Variants in CFAP251 observed in about 807,000 individuals in gnomAD.
CFAP251 encodes cilia- and flagella-associated protein 251.
CFAP251 carries 93 observed loss-of-function variants against 126.7 expected under a neutral mutation model. The observed-to-expected ratio is 0.73, with a 90% CI of 0.62 to 0.87. The LOEUF (loss-of-function observed/expected upper bound fraction) is 0.87, where lower values mean the gene tolerates loss of function less well. Ranked by LOEUF, CFAP251 falls within the 40% of genes least tolerant of loss-of-function variation. The pLI is 0.00. For synonymous variants in CFAP251, 503 were observed against 506.9 expected (o/e 0.99, Z 0.10); for missense variants, 1,287 against 1,389.2 (o/e 0.93, Z 1.17).
At chr12:121,993,313 A>G (rs1422533383) in intron 19 of CFAP251, among the ~76,000 whole-genome samples, 5 of 99,282 alleles carry the variant, frequency 5.0e-5, no homozygotes, top group East Asian at 5.7e-4. Flanking sequence ...ATCTCGGCTC[A>G]CTACAACCTA....
intron 14 of CFAP251, among the ~76,000 whole-genome samples, chr12:121,961,500 G>T (rs1310918880): frequency 6.6e-6 from 1 of 152,058 alleles, no homozygotes; most frequent in Non-Finnish European, 1.5e-5. Flanking sequence ...GCCAAGTGTT[G>T]GGCTGAGATT....
chr12:121,999,102 AT>A (rs1450902394), intron 19 of CFAP251: 1 of 151,874 alleles, frequency 6.6e-6, no homozygotes, highest in Non-Finnish European at 1.5e-5. Context: ...AAGTTGTTAG[AT>A]TTTGTTAAAT....
In CFAP251 at chr12:122,003,791, A is replaced by C. The variant is rs766180873; in HGVS notation, c.*27A>C. The C allele has an allele frequency of 6.3e-6, 10 of 1,577,730 alleles. No individual in the cohort carries two copies. The East Asian group carries it at 2.1e-4, about 33-fold the overall frequency. ...GTTACCAGGAATGTTTAAAGCACAA[A>C]GGACTTTGGGTGTGTGTGCATGCAC... On this transcript the variant is annotated 3_prime_UTR_variant, in exon 22 of 22. Transcript: ENST00000288912.
intron 17 of CFAP251, among the ~76,000 whole-genome samples, chr12:121,973,665 A>G (rs370494619): frequency 6.6e-6 from 1 of 152,202 alleles, no homozygotes; most frequent in East Asian, 1.9e-4. Flanking sequence ...GATATAAGAC[A>G]TGGAGTCAAA....
chr12:121,973,780 C>A (rs914839798), intron 17 of CFAP251, among the ~76,000 whole-genome samples: 2 of 152,160 alleles, frequency 1.3e-5, no homozygotes, highest in African/African-American at 2.4e-5. Flanking sequence ...TTTGGAATGG[C>A]CGTATTTACC....
At chr12:121,960,263 G>T (rs1209782867) in intron 13 of CFAP251, among the ~76,000 whole-genome samples, 3 of 151,498 alleles carry the variant, frequency 2.0e-5, no homozygotes, top group African/African-American at 7.3e-5. Flanking sequence ...CTGCTCTGTT[G>T]TACAGGCTGA....
chr12:121,999,623 G>T, intron 19 of CFAP251, 93 bp from the exon 20 acceptor site: 2 of 959,962 alleles, frequency 2.1e-6, no homozygotes, highest in South Asian at 1.7e-5. Context: ...GGCATGAGCC[G>T]CTGCACCAGC....
chr12:121,951,929 AG>A lies in CFAP251; in HGVS notation c.1320+400del, dbSNP rs547632599. Among the ~76,000 whole-genome samples, 8 of 151,870 alleles carry A rather than the reference AG, an allele frequency of 5.3e-5. No homozygotes were observed. The South Asian group carries it at 1.7e-3, about 32-fold the overall frequency. The stretch of plus-strand genomic sequence containing the variant: ...AGTAGAGACGGGGTTTCACTGTGTT[AG>A]CCAGGATGGTCTTGATCTCCTGACC... On this transcript the variant is annotated intron_variant, in intron 9 of 21. Coordinates refer to ENST00000288912, the MANE Select transcript of CFAP251 (RefSeq NM_144668.6).
chr12:121,995,629 G>A (rs1265793397), intron 19 of CFAP251, among the ~76,000 whole-genome samples: 1 of 152,118 alleles, frequency 6.6e-6, no homozygotes, highest in East Asian at 1.9e-4. Context: ...GAGCCCCCCA[G>A]TAGCTAGGAC....
intron 19 of CFAP251, among the ~76,000 whole-genome samples, chr12:121,979,563 C>CTTTTTTTTTTTTTTTTTTTTT (rs71082922): frequency 8.2e-5 from 7 of 84,978 alleles, no homozygotes; most frequent in Non-Finnish European, 9.0e-5. Flanking sequence ...CTTTCTTCTT[C>CTTTTTTTTTTTTTTTTTTTTT]TTTTTTTTTT....
intron 13 of CFAP251, among the ~76,000 whole-genome samples, chr12:121,959,930 C>T (rs1881867020): frequency 6.6e-6 from 1 of 151,822 alleles, no homozygotes; most frequent in African/African-American, 2.4e-5. Flanking sequence ...TCGAGACCAG[C>T]CTGGGCAACA....
chr12:121,966,941 C>G lies in CFAP251; in HGVS notation c.2493-14C>G, dbSNP rs1882163721. On this transcript the variant is annotated splice_polypyrimidine_tract_variant and intron_variant, in intron 15 of 21. Coordinates refer to ENST00000288912, the MANE Select transcript of CFAP251 (RefSeq NM_144668.6). ...TTGTGGAATTTTAAAAACTCTTTCT[C>G]TTTTTGCCTTCAGAAAGACGCTTCT... The G allele has an allele frequency of 6.2e-7, 1 of 1,609,804 alleles. No individual in the cohort carries two copies. Among genetic ancestry groups the G allele is most frequent in the Non-Finnish European group, 8.5e-7 (1 of 1,176,664 alleles).
intron 1 of CFAP251, among the ~76,000 whole-genome samples, chr12:121,920,263 T>A (rs2135739956): frequency 7.2e-6 from 1 of 137,940 alleles, no homozygotes; most frequent in African/African-American, 2.6e-5. Context: ...GGTCTCGCTC[T>A]GTTGCCCAGG....
At chr12:121,978,256 T>C (rs1882521013) in intron 19 of CFAP251, among the ~76,000 whole-genome samples, 1 of 149,706 alleles carries the variant, frequency 6.7e-6, no homozygotes, top group African/African-American at 2.5e-5. Flanking sequence ...AAGCCGAGCG[T>C]GGTGGCGGGT....
At chr12:121,935,917 T>C (rs1880878269) in intron 5 of CFAP251, among the ~76,000 whole-genome samples, 1 of 152,182 alleles carries the variant, frequency 6.6e-6, no homozygotes, top group Non-Finnish European at 1.5e-5. Context: ...TGTCATCCGG[T>C]ATTGCCTTTC....
At chr12:121,962,218 A>G in intron 15 of CFAP251, 56 bp downstream of exon 15, 6 of 1,551,818 alleles carry the variant, frequency 3.9e-6, no homozygotes, top group South Asian at 1.2e-5. Flanking sequence ...TCTGCCCCCA[A>G]CCTGTTTCAG....
rs1487509472 is a variant in CFAP251 at position 121,934,359 on chromosome 12, A to G, written c.998+3A>G. 2.5e-6 allele frequency: 4 copies of G among 1,609,418 alleles called. No individual in the cohort carries two copies. Among genetic ancestry groups the G allele is most frequent in the East Asian group, 2.2e-5 (1 of 44,844 alleles). ...ATTATATGGGACTCCTTCACAGGGT[A>G]GGCTTTGTGTAGCCACTTCTTTTTT... On this transcript the variant is annotated splice_donor_region_variant and intron_variant, in intron 5 of 21. Coordinates refer to ENST00000288912, the MANE Select transcript of CFAP251 (RefSeq NM_144668.6).
chr12:121,990,715 A>T (rs1025083570), intron 19 of CFAP251, among the ~76,000 whole-genome samples: 11 of 152,290 alleles, frequency 7.2e-5, no homozygotes, highest in African/African-American at 2.6e-4. Flanking sequence ...GAGGGCACTT[A>T]AAAAAATACA....
In CFAP251 at chr12:121,975,272, G is replaced by T. The variant is rs1271885920; in HGVS notation, c.2800G>T (p.Gly934Cys). 11 of 1,613,978 alleles carry T rather than the reference G, an allele frequency of 6.8e-6. No homozygotes were observed. The highest frequency in any genetic ancestry group is 1.7e-5 in the Admixed American group (1 of 59,992). Reference sequence around the variant, plus strand: ...CCTGGAGGCAGCGGTTTCTCTTGGGGGTGAAGACTTGACCCCATTCTATGG... The same window carrying T: ...CCTGGAGGCAGCGGTTTCTCTTGGGTGTGAAGACTTGACCCCATTCTATGG... Reference protein sequence around the residue: ...SVLEAAVSLGGEDLTPFYGLL... With the variant: ...SVLEAAVSLGCEDLTPFYGLL... The change falls in exon 18 of 22, where the codon GGT becomes TGT. Residue 934 changes from glycine (G) to cysteine (C), a missense_variant. Physicochemically the swap from Gly to Cys is radical, Grantham distance 159. Coordinates refer to ENST00000288912, the MANE Select transcript of CFAP251 (RefSeq NM_144668.6).
Sources: gnomAD v4.1 joint callset for allele counts (sites outside exome capture counted in the v4.1 genomes callset) on GRCh38, gnomAD v4.1.1 for gene constraint, MANE v1.5 for transcripts, NCBI Gene and HGNC (gene_info 2026-07-23, HGNC 2026-07-21) for gene names.